Variants in CDIN1 observed in about 807,000 individuals in gnomAD.
The protein encoded by CDIN1 is CDAN1 interacting nuclease 1.
CDIN1 carries 33 observed loss-of-function variants against 45.3 expected under a neutral mutation model. That is an observed-to-expected ratio of 0.73 (90% confidence interval 0.55 to 0.97). The LOEUF (loss-of-function observed/expected upper bound fraction) is 0.97. Ranked by LOEUF, CDIN1 falls within the 50% of genes least tolerant of loss-of-function variation. CDIN1 has a pLI of 0.00. For missense variants in CDIN1, 303 were observed against 339.4 expected, an observed-to-expected ratio of 0.89 and a Z score of 0.84; for synonymous variants, 118 against 124.4, an observed-to-expected ratio of 0.95 and a Z score of 0.34.
chr15:36,617,673 C>T (rs1245728782), intron 1 of CDIN1: 1 of 767,796 alleles, frequency 1.3e-6, no homozygotes, highest in Non-Finnish European at 2.4e-6. Context: ...TGAGCCAAGT[C>T]ATAAGCGTTG....
chr15:36,705,009 T>C (rs1226014717), intron 8 of CDIN1: 2 of 152,180 alleles, frequency 1.3e-5, no homozygotes, highest in Non-Finnish European at 2.9e-5. Flanking sequence ...GAAAAGAAAT[T>C]GTGTAATTAG....
chr15:36,749,693 T>C (rs1337216046), intron 10 of CDIN1, among the ~76,000 whole-genome samples: 2 of 152,224 alleles, frequency 1.3e-5, no homozygotes, highest in East Asian at 1.9e-4. Flanking sequence ...AGTACATCTG[T>C]GTTTTTGTCA....
chr15:36,694,149 A>T (rs2042343160), intron 7 of CDIN1, among the ~76,000 whole-genome samples: 1 of 152,196 alleles, frequency 6.6e-6, no homozygotes, highest in African/African-American at 2.4e-5. Flanking sequence ...CAACTTGGTG[A>T]TTGCTTTTGT....
chr15:36,739,121 A>G (rs2044140303), intron 10 of CDIN1, among the ~76,000 whole-genome samples: 1 of 152,228 alleles, frequency 6.6e-6, no homozygotes, highest in African/African-American at 2.4e-5. Context: ...GGCTGGGTGC[A>G]GTGGCTCATG....
chr15:36,740,697 T>C (rs1246782176), intron 10 of CDIN1, among the ~76,000 whole-genome samples: 2 of 152,142 alleles, frequency 1.3e-5, no homozygotes, highest in Non-Finnish European at 2.9e-5. Context: ...GAGACCAGCC[T>C]GACCAACACG....
chr15:36,761,093 T>A (rs2053749986), intron 10 of CDIN1, among the ~76,000 whole-genome samples: 1 of 152,224 alleles, frequency 6.6e-6, no homozygotes, highest in Non-Finnish European at 1.5e-5. Context: ...CCGGCACATC[T>A]AAAAGCTAAG....
intron 10 of CDIN1, among the ~76,000 whole-genome samples, chr15:36,798,298 A>AT (rs559982863): frequency 1.4e-4 from 22 of 151,938 alleles, no homozygotes; most frequent in Non-Finnish European, 2.6e-4. Context: ...TTATCTGATC[A>AT]TTTTTTCTAA....
intron 5 of CDIN1, among the ~76,000 whole-genome samples, chr15:36,663,219 G>A (rs1239666825): frequency 7.2e-5 from 11 of 152,078 alleles, no homozygotes; most frequent in Admixed American, 7.2e-4. Context: ...AAATTCAGAT[G>A]GGGTTATATG....
chr15:36,632,573 C>T (rs553211223), intron 1 of CDIN1, among the ~76,000 whole-genome samples: 99 of 152,248 alleles, frequency 6.5e-4, no homozygotes, highest in Non-Finnish European at 1.3e-3. Flanking sequence ...CTTGCCCTAC[C>T]GTAGTTCAAC....
intron 3 of CDIN1, among the ~76,000 whole-genome samples, chr15:36,649,122 G>A (rs1375714074): frequency 1.3e-5 from 2 of 152,158 alleles, no homozygotes; most frequent in Non-Finnish European, 2.9e-5. Flanking sequence ...ACTAATTACT[G>A]AAAATATTCC....
At chr15:36,666,903 C>A (rs1230547559) in intron 5 of CDIN1, among the ~76,000 whole-genome samples, 1 of 152,152 alleles carries the variant, frequency 6.6e-6, no homozygotes, top group Non-Finnish European at 1.5e-5. Context: ...AGGTGCTTTA[C>A]CTACTTGGAT....
At chr15:36,803,169 C>A (rs1410935305) in intron 10 of CDIN1, among the ~76,000 whole-genome samples, 1 of 151,390 alleles carries the variant, frequency 6.6e-6, no homozygotes, top group African/African-American at 2.4e-5. Context: ...CTTCAGGAAC[C>A]CAATAACCAA....
intron 10 of CDIN1, chr15:36,799,415 C>T (rs1312160550): frequency 6.6e-6 from 1 of 152,154 alleles, no homozygotes; most frequent in Non-Finnish European, 1.5e-5. Flanking sequence ...CTCCCGTTTC[C>T]CAGTGAAATC....
At chr15:36,671,258 C>A (rs754845987) in intron 5 of CDIN1, among the ~76,000 whole-genome samples, 1 of 152,172 alleles carries the variant, frequency 6.6e-6, no homozygotes, top group Non-Finnish European at 1.5e-5. Flanking sequence ...TCATCTGTTG[C>A]GTGTTCTTTG....
At chr15:36,634,040 C>T (rs2039793587) in intron 1 of CDIN1, among the ~76,000 whole-genome samples, 2 of 151,684 alleles carry the variant, frequency 1.3e-5, no homozygotes, top group African/African-American at 4.8e-5. Context: ...GTGTGAGCCA[C>T]CATGCCCAAC....
chr15:36,808,924 A>G lies in CDIN1; in HGVS notation c.*471A>G, dbSNP rs563281735. 2 of 455,688 alleles carry G rather than the reference A, an allele frequency of 4.4e-6. No homozygotes were observed. Among genetic ancestry groups the G allele is most frequent in the Admixed American group, 2.4e-5 (1 of 42,480 alleles). 28.2% of individuals were successfully genotyped at this position (455,688 alleles called of 1,614,324 possible). ...CACAGAGACCCAGCATTGCATTACC[A>G]TCGTGGAATAATCTAGCGCAAACCT... On this transcript the variant is annotated 3_prime_UTR_variant, in exon 11 of 11. Coordinates refer to ENST00000566621, the MANE Select transcript of CDIN1 (RefSeq NM_001321759.2).
intron 10 of CDIN1, among the ~76,000 whole-genome samples, chr15:36,736,012 C>A (rs1289181175): frequency 3.9e-5 from 6 of 152,140 alleles, no homozygotes; most frequent in African/African-American, 7.2e-5. Context: ...AAGAAGGAGG[C>A]ACATGTAGCA....
At chr15:36,588,914 C>T (rs185876046) in intron 1 of CDIN1, among the ~76,000 whole-genome samples, 1 of 152,170 alleles carries the variant, frequency 6.6e-6, no homozygotes. Context: ...TAAGAAGAAT[C>T]CACATGCTAT....
chr15:36,791,982 C>T (rs1005956503), intron 10 of CDIN1, among the ~76,000 whole-genome samples: 2 of 152,152 alleles, frequency 1.3e-5, no homozygotes, highest in African/African-American at 4.8e-5. Context: ...ACATATTAAT[C>T]AGCTAATGGC....
Sources: allele counts gnomAD v4.1 joint callset (sites outside exome capture counted in the v4.1 genomes callset), GRCh38; gene constraint gnomAD v4.1.1; transcripts MANE v1.5; gene names NCBI Gene and HGNC (gene_info 2026-07-23, HGNC 2026-07-21).